The following GPC5 variants were observed in gnomAD, a reference collection of about 807,000 sequenced individuals.
The protein encoded by GPC5 is glypican 5, also known as glypican-5.
GPC5 carries 47 observed loss-of-function variants against 53.9 expected under a neutral mutation model. That is an observed-to-expected ratio of 0.87 (90% confidence interval 0.69 to 1.11). The LOEUF (loss-of-function observed/expected upper bound fraction) is 1.11. Among genes scored for constraint, GPC5 ranks in the 50% most tolerant of loss-of-function variants. The pLI is 0.00. For synonymous variants in GPC5, 286 were observed against 263.3 expected (o/e 1.09, Z -0.84); for missense variants, 748 against 713.1 (o/e 1.05, Z -0.56).
At chr13:91,557,365 C>T (rs1228778042) in intron 2 of GPC5, among the ~76,000 whole-genome samples, 1 of 152,084 alleles carries the variant, frequency 6.6e-6, no homozygotes, top group Non-Finnish European at 1.5e-5. Flanking sequence ...CAATTTATCT[C>T]TTCTCTTTAC....
At chr13:91,652,280 C>CTT (rs139021078) in intron 2 of GPC5, among the ~76,000 whole-genome samples, 1 of 151,964 alleles carries the variant, frequency 6.6e-6, no homozygotes, top group Non-Finnish European at 1.5e-5. Flanking sequence ...AAAACTGGCA[C>CTT]TTTTTTTTCT....
rs777598201 is a variant in GPC5, at chr13:91,728,645, G to A, written c.1134G>A (p.Glu378=). The part of the protein sequence containing the change: ...GMKTTTRNSE[E]TLANRRKEFI... ...AGACCACCACAAGGAACAGTGAAGAGACGCTTGCCAACAGAAGAAAGTAAG... is the reference window on the plus strand; with the variant it reads ...AGACCACCACAAGGAACAGTGAAGAAACGCTTGCCAACAGAAGAAAGTAAG... Residue 378 remains glutamate (E), a synonymous_variant, in exon 4 of 8, where the codon GAG becomes GAA. Coordinates refer to ENST00000377067, the MANE Select transcript of GPC5 (RefSeq NM_004466.6). The A allele has an allele frequency of 6.1e-5, 98 of 1,611,120 alleles. No individual in the cohort carries two copies. The highest frequency in any genetic ancestry group is 7.1e-5 in the Non-Finnish European group (84 of 1,178,564).
chr13:92,353,344 G>A (rs1213674632), intron 7 of GPC5, among the ~76,000 whole-genome samples: 1 of 151,148 alleles, frequency 6.6e-6, no homozygotes, highest in African/African-American at 2.4e-5. Context: ...ACGATGATAC[G>A]AGTTTTGAAA....
intron 6 of GPC5, among the ~76,000 whole-genome samples, chr13:91,942,234 T>A (rs141813482): frequency 1.3e-5 from 2 of 152,236 alleles, no homozygotes; most frequent in Non-Finnish European, 2.9e-5. Context: ...CTAAAAAAGG[T>A]ACCATTTTTA....
intron 2 of GPC5, among the ~76,000 whole-genome samples, chr13:91,682,961 T>C (rs1288647204): frequency 1.3e-5 from 2 of 151,986 alleles, no homozygotes; most frequent in East Asian, 3.9e-4. Flanking sequence ...GTGATCAGTA[T>C]TGTAGTAGGC....
At chr13:92,757,897 G>A (rs1874966454) in intron 7 of GPC5, among the ~76,000 whole-genome samples, 1 of 151,312 alleles carries the variant, frequency 6.6e-6, no homozygotes, top group Admixed American at 6.6e-5. Context: ...CTGTAAACTA[G>A]TTCAACCATT....
intron 7 of GPC5, among the ~76,000 whole-genome samples, chr13:92,781,939 A>T (rs551196857): frequency 2.0e-4 from 31 of 152,282 alleles, no homozygotes; most frequent in Admixed American, 1.4e-3. Flanking sequence ...TAATGTGCAC[A>T]AAAGTTAATT....
intron 7 of GPC5, among the ~76,000 whole-genome samples, chr13:92,620,712 C>T (rs913522774): frequency 2.6e-5 from 4 of 151,956 alleles, no homozygotes; most frequent in East Asian, 1.9e-4. Flanking sequence ...TGAGTGTAGG[C>T]AGAGTGTGGG....
intron 6 of GPC5, among the ~76,000 whole-genome samples, chr13:92,084,118 AT>A (rs537891391): frequency 2.6e-5 from 4 of 152,126 alleles, no homozygotes; most frequent in Non-Finnish European, 5.9e-5. Flanking sequence ...ACTGGGACCT[AT>A]CCGGTGGGCT....
At chr13:92,356,327 C>T (rs376785985) in intron 7 of GPC5, among the ~76,000 whole-genome samples, 24 of 152,074 alleles carry the variant, frequency 1.6e-4, no homozygotes, top group East Asian at 9.7e-4. Context: ...TGGGCATTGT[C>T]GGCCCTATTA....
intron 7 of GPC5, among the ~76,000 whole-genome samples, chr13:92,357,730 A>G (rs2043533987): frequency 6.6e-6 from 1 of 151,576 alleles, no homozygotes; most frequent in African/African-American, 2.4e-5. Context: ...GAGCAGAAGA[A>G]GAGAGAGAGG....
chr13:91,836,951 T>C (rs971393862), intron 5 of GPC5, among the ~76,000 whole-genome samples: 60 of 151,234 alleles, frequency 4.0e-4, no homozygotes, highest in African/African-American at 1.4e-3. Context: ...AAATTGTTTT[T>C]GCCAAATTGA....
At position 92,115,563 on chromosome 13, in the gene GPC5, T is replaced by C. The variant is rs1435362658; in HGVS notation, c.1402-29267T>C. Among the ~76,000 whole-genome samples, 3 of 152,106 alleles carry C rather than the reference T, an allele frequency of 2.0e-5. No individual in the cohort carries two copies. The East Asian group carries it at 5.8e-4, about 29-fold the overall frequency. On this transcript the variant is annotated intron_variant, in intron 6 of 7. Coordinates refer to ENST00000377067, the MANE Select transcript of GPC5 (RefSeq NM_004466.6). Reference sequence around the variant, plus strand: ...CTATCCCTTTCTAGTCAAACTCTCCTCTAATGCCTGAAAACCATCAACTTC... The same window carrying C: ...CTATCCCTTTCTAGTCAAACTCTCCCCTAATGCCTGAAAACCATCAACTTC...
chr13:91,999,764 T>C (rs897248851), intron 6 of GPC5, among the ~76,000 whole-genome samples: 2 of 152,220 alleles, frequency 1.3e-5, no homozygotes, highest in African/African-American at 4.8e-5. Flanking sequence ...TTTACATCTA[T>C]GTATCAATGA....
At chr13:91,722,041 G>A (rs2139972777) in intron 3 of GPC5, among the ~76,000 whole-genome samples, 1 of 152,302 alleles carries the variant, frequency 6.6e-6, no homozygotes, top group East Asian at 1.9e-4. Context: ...TGAGGGCTCA[G>A]TGTATTGATT....
intron 7 of GPC5, among the ~76,000 whole-genome samples, chr13:92,741,361 G>C (rs1191155846): frequency 6.6e-6 from 1 of 151,888 alleles, no homozygotes; most frequent in African/African-American, 2.4e-5. Flanking sequence ...ACCCTTTGCC[G>C]TGGGAGGCTC....
intron 7 of GPC5, among the ~76,000 whole-genome samples, chr13:92,366,685 T>C (rs1450087886): frequency 6.6e-6 from 1 of 152,222 alleles, no homozygotes; most frequent in African/African-American, 2.4e-5. Context: ...TTCCATTAAA[T>C]ATTTGTCAGA....
intron 7 of GPC5, among the ~76,000 whole-genome samples, chr13:92,806,916 TG>T (rs1281366797): frequency 6.6e-6 from 1 of 152,104 alleles, no homozygotes; most frequent in African/African-American, 2.4e-5. Context: ...GTTGGGGAAT[TG>T]GCACTGATAG....
chr13:92,077,668 A>G, intron 6 of GPC5, among the ~76,000 whole-genome samples: 1 of 152,196 alleles, frequency 6.6e-6, no homozygotes, highest in East Asian at 1.9e-4. Context: ...CTGTGAGTCA[A>G]CAGGTTGTAC....
Sources: allele counts gnomAD v4.1 joint callset (sites outside exome capture counted in the v4.1 genomes callset), GRCh38; gene constraint gnomAD v4.1.1; transcripts MANE v1.5; gene names NCBI Gene and HGNC (gene_info 2026-07-23, HGNC 2026-07-21).